The following GAREM1 variants were observed in gnomAD, a reference collection of about 807,000 sequenced individuals.
GAREM1 encodes GRB2 associated regulator of MAPK1 subtype 1.
GAREM1 carries 26 observed loss-of-function variants against 71.3 expected under a neutral mutation model. The ratio of observed to expected loss-of-function variants is 0.36; its 90% confidence interval spans 0.27 to 0.51. GAREM1 has a LOEUF of 0.51. Among genes scored for constraint, GAREM1 ranks in the 20% least tolerant of loss-of-function variants. The pLI is 0.95. For synonymous variants in GAREM1, 440 were observed against 433.2 expected, an observed-to-expected ratio of 1.02 and a Z score of -0.20; for missense variants, 1,026 against 1,103.1, an observed-to-expected ratio of 0.93 and a Z score of 0.99.
chr18:32,406,441 T>C (rs1240521105), intron 1 of GAREM1, among the ~76,000 whole-genome samples: 1 of 152,224 alleles, frequency 6.6e-6, no homozygotes, highest in Admixed American at 6.5e-5. Flanking sequence ...AGTATTTCTC[T>C]GTCCCGATGG....
At chr18:32,410,388 G>T (rs1395016796) in intron 1 of GAREM1, among the ~76,000 whole-genome samples, 1 of 152,248 alleles carries the variant, frequency 6.6e-6, no homozygotes, top group East Asian at 1.9e-4. Context: ...TCACTCTGTT[G>T]CCCAGCCTGG....
chr18:32,295,421 T>G (rs2047130537), intron 3 of GAREM1, among the ~76,000 whole-genome samples: 1 of 152,122 alleles, frequency 6.6e-6, no homozygotes, highest in Non-Finnish European at 1.5e-5. Context: ...TGGCCTACAG[T>G]TTTATTATCT....
At chr18:32,280,398 C>T (rs1365797357) in intron 4 of GAREM1, among the ~76,000 whole-genome samples, 5 of 152,126 alleles carry the variant, frequency 3.3e-5, no homozygotes, top group Admixed American at 6.5e-5. Flanking sequence ...TGGCCAAGCC[C>T]GAGGAAGGGA....
rs1567949199 is a variant in GAREM1 at position 32,287,138 on chromosome 18, A to G, written c.1459T>C (p.Ser487Pro). The G allele has an allele frequency of 6.2e-7, 1 of 1,614,204 alleles. No homozygotes were observed. The highest frequency in any genetic ancestry group is 1.6e-4 in the Middle Eastern group (1 of 6,062). Residue 487 changes from serine (S) to proline (P), a missense_variant, in exon 4 of 6, where the codon TCC becomes CCC. Around this residue, in one of 3 missense-constraint regions of GAREM1, gnomAD observed 636 missense variants for 631.2 expected, o/e 1.01. Transcript: ENST00000269209. This position sits in a 1 kb window ranked among gnomAD's most constrained non-coding sequence, Gnocchi z 5.9. ...GGAAGAGGAGAAGTCGCACATTTGGATCGGACAGAACCTCTAAACTGATCA... is the reference window on the plus strand; with the variant it reads ...GGAAGAGGAGAAGTCGCACATTTGGGTCGGACAGAACCTCTAAACTGATCA... ...RCDQFRGSVR[S>P]KCATSPLPIP...
chr18:32,378,059 C>CGT (rs1567986698), intron 2 of GAREM1, among the ~76,000 whole-genome samples: 4 of 112,936 alleles, frequency 3.5e-5, no homozygotes, highest in African/African-American at 1.4e-4. Context: ...TGTGTGTGTG[C>CGT]GCGCGGGCGC....
intron 2 of GAREM1, among the ~76,000 whole-genome samples, chr18:32,334,545 CAA>C (rs1328764729): frequency 1.3e-5 from 2 of 152,098 alleles, no homozygotes; most frequent in African/African-American, 4.8e-5. Flanking sequence ...CTTTATGCAG[CAA>C]AAGATATTTC....
Position 32,288,092 on chromosome 18 carries a change from T to C in GAREM1, c.505A>G (p.Lys169Glu). ...ATTGTGTTGAGTCGTGACTTTTCCT[T>C]GAATGTCTTTGCATAAAGGATTTCT... ...QAEILYAKTFKEKSRLNTIFK... is the reference protein window; with the variant it reads ...QAEILYAKTFEEKSRLNTIFK... Residue 169 changes from lysine (K) to glutamate (E), a missense_variant, in exon 4 of 6, where the codon AAG (lysine) becomes GAG (glutamate). By Grantham distance (56) the Lys-to-Glu change is moderately conservative. Around this residue, in one of 3 missense-constraint regions of GAREM1, gnomAD observed 218 missense variants for 296.8 expected, o/e 0.73. Transcript: ENST00000269209. 1 of 1,614,198 alleles carries C rather than the reference T, an allele frequency of 6.2e-7. No homozygotes were observed.
At chr18:32,396,959 C>T (rs915781523) in intron 1 of GAREM1, among the ~76,000 whole-genome samples, 128 of 152,202 alleles carry the variant, frequency 8.4e-4, no homozygotes, top group African/African-American at 2.9e-3. Context: ...GCGGATCTCT[C>T]GGCAGAAACT....
intron 2 of GAREM1, among the ~76,000 whole-genome samples, chr18:32,328,807 T>C (rs186382446): frequency 6.6e-6 from 1 of 152,224 alleles, no homozygotes. Flanking sequence ...AAAACATTGA[T>C]TACTTTAAGA....
chr18:32,400,737 T>C (rs2048306572), intron 1 of GAREM1, among the ~76,000 whole-genome samples: 1 of 152,190 alleles, frequency 6.6e-6, no homozygotes, highest in African/African-American at 2.4e-5. Flanking sequence ...GACTGTAAAC[T>C]AGTTCAACCA....
At chr18:32,286,998 C>T (rs1371554842) in intron 4 of GAREM1, 33 bp downstream of exon 4, 1 of 1,452,558 alleles carries the variant, frequency 6.9e-7, no homozygotes, top group African/African-American at 1.4e-5. Flanking sequence ...GACAGAAAGA[C>T]TGGCACCGCA....
At chr18:32,457,222 A>AGTGTGGGTGT (rs547348755) in intron 1 of GAREM1, among the ~76,000 whole-genome samples, 1 of 84,240 alleles carries the variant, frequency 1.2e-5, no homozygotes, top group African/African-American at 5.2e-5. Flanking sequence ...AGAGAGAGAG[A>AGTGTGGGTGT]GAGAGTGTGT....
chr18:32,383,586 T>C (rs1473607663), intron 2 of GAREM1, among the ~76,000 whole-genome samples: 1 of 152,214 alleles, frequency 6.6e-6, no homozygotes, highest in Non-Finnish European at 1.5e-5. Flanking sequence ...AGACAAGCAC[T>C]TTCCCACCCA....
At chr18:32,335,309 T>G (rs1296106537) in intron 2 of GAREM1, among the ~76,000 whole-genome samples, 1 of 152,218 alleles carries the variant, frequency 6.6e-6, no homozygotes, top group Non-Finnish European at 1.5e-5. Context: ...CCTCCTCTTT[T>G]CTTGCAGTTC....
rs1005400929 is a variant in GAREM1 at position 32,453,959 on chromosome 18, G to A, written c.121+16349C>T. Among the ~76,000 whole-genome samples the A allele has an allele frequency of 9.2e-5, 14 of 152,176 alleles. No homozygotes were observed. The East Asian group carries it at 2.7e-3, about 29-fold the overall frequency. On this transcript the variant is annotated intron_variant, in intron 1 of 5. Transcript: ENST00000269209. ...GAAAGACACAATCTCTGCCTTCATA[G>A]AGGTCAGAATCTATAGGGGGGTGGG...
At chr18:32,317,714 A>C (rs577522899) in intron 2 of GAREM1, among the ~76,000 whole-genome samples, 2 of 149,916 alleles carry the variant, frequency 1.3e-5, no homozygotes, top group South Asian at 4.2e-4. Context: ...TTTTTTTTAA[A>C]GAATGTAACA....
chr18:32,461,587 C>T (rs781103557), intron 1 of GAREM1, among the ~76,000 whole-genome samples: 3 of 151,898 alleles, frequency 2.0e-5, no homozygotes, highest in African/African-American at 4.8e-5. Flanking sequence ...CCCAGTTACT[C>T]GGGAAGCTGA....
chr18:32,466,169 T>C (rs563206592), intron 1 of GAREM1, among the ~76,000 whole-genome samples: 1 of 149,972 alleles, frequency 6.7e-6, no homozygotes, highest in South Asian at 2.1e-4. Flanking sequence ...TTTCAATCTA[T>C]ATACTTTTTT....
At chr18:32,300,996 C>A (rs1182920083) in intron 3 of GAREM1, among the ~76,000 whole-genome samples, 1 of 151,146 alleles carries the variant, frequency 6.6e-6, no homozygotes, top group Non-Finnish European at 1.5e-5. Flanking sequence ...TTTCAGACGG[C>A]AACTTTTAAA....
Sources: allele counts gnomAD v4.1 joint callset (sites outside exome capture counted in the v4.1 genomes callset), GRCh38; gene constraint gnomAD v4.1.1; regional missense constraint gnomAD v4.1.1; non-coding constraint Gnocchi (gnomAD v3.1); transcripts MANE v1.5; gene names NCBI Gene and HGNC (gene_info 2026-07-23, HGNC 2026-07-21).